The following AKAP13 variants were observed in gnomAD, a reference collection of about 807,000 sequenced individuals.
The protein encoded by AKAP13 is A-kinase anchor protein 13.
Under a neutral mutation model 264.5 loss-of-function variants are expected in AKAP13, and 80 were observed. The observed-to-expected ratio is 0.30, with a 90% CI of 0.25 to 0.36. The LOEUF (loss-of-function observed/expected upper bound fraction) is 0.36. Among genes scored for constraint, AKAP13 ranks in the 10% least tolerant of loss-of-function variants. The pLI is 1.00. For synonymous variants in AKAP13, 1,380 were observed against 1,250.2 expected, an observed-to-expected ratio of 1.10 and a Z score of -2.19; for missense variants, 3,712 against 3,435.2, an observed-to-expected ratio of 1.08 and a Z score of -2.01.
intron 8 of AKAP13, among the ~76,000 whole-genome samples, chr15:85,629,977 T>C (rs2081629908): frequency 6.6e-6 from 1 of 151,520 alleles, no homozygotes; most frequent in African/African-American, 2.4e-5. Flanking sequence ...ACAGGGTTTT[T>C]CCATGTTGCC....
intron 5 of AKAP13, among the ~76,000 whole-genome samples, chr15:85,552,870 T>G (rs879697103): frequency 4.6e-5 from 7 of 152,228 alleles, no homozygotes; most frequent in Middle Eastern, 3.4e-3. Flanking sequence ...TGGCCATTTT[T>G]TCTTACAAAA....
At chr15:85,445,052 T>C (rs2073851867) in intron 1 of AKAP13, among the ~76,000 whole-genome samples, 1 of 152,202 alleles carries the variant, frequency 6.6e-6, no homozygotes, top group African/African-American at 2.4e-5. Flanking sequence ...TTCCCTCACC[T>C]TCCATATGCT....
intron 2 of AKAP13, among the ~76,000 whole-genome samples, chr15:85,497,807 C>T (rs1009690716): frequency 6.6e-6 from 1 of 152,092 alleles, no homozygotes; most frequent in Admixed American, 6.6e-5. Flanking sequence ...TGGGGTTTTA[C>T]ACAGGATAAC....
At chr15:85,518,831 A>C (rs1256140179) in intron 2 of AKAP13, among the ~76,000 whole-genome samples, 1 of 152,146 alleles carries the variant, frequency 6.6e-6, no homozygotes, top group Non-Finnish European at 1.5e-5. Flanking sequence ...CCTGTCTCAA[A>C]CAACAACAAA....
At chr15:85,720,579 G>A (rs2087220567) in intron 23 of AKAP13, among the ~76,000 whole-genome samples, 1 of 152,146 alleles carries the variant, frequency 6.6e-6, no homozygotes, top group East Asian at 1.9e-4. Flanking sequence ...TACAGGCAGA[G>A]GGGTATATAA....
intron 17 of AKAP13, chr15:85,702,691 A>G (rs1451457279): frequency 6.6e-6 from 1 of 152,200 alleles, no homozygotes; most frequent in Non-Finnish European, 1.5e-5. Context: ...ATAGTCCATC[A>G]TGATGATATG....
chr15:85,515,980 T>A (rs1167354506), intron 2 of AKAP13, among the ~76,000 whole-genome samples: 2 of 152,180 alleles, frequency 1.3e-5, no homozygotes, highest in Admixed American at 1.3e-4. Context: ...TTAAACATCT[T>A]TTCTGTTGTC....
At chr15:85,661,927 A>T (rs2083369151) in intron 12 of AKAP13, among the ~76,000 whole-genome samples, 1 of 148,436 alleles carries the variant, frequency 6.7e-6, no homozygotes, top group African/African-American at 2.5e-5. Context: ...AAACCGGATG[A>T]CTCCATGAGC....
chr15:85,484,097 A>T (rs1301267917), intron 1 of AKAP13, among the ~76,000 whole-genome samples: 2 of 152,132 alleles, frequency 1.3e-5, no homozygotes, highest in Non-Finnish European at 2.9e-5. Context: ...AGGTTCTTTC[A>T]TTCCCATGTC....
chr15:85,718,237 G>C lies in AKAP13; in HGVS notation c.6001+78G>C. On this transcript the variant is annotated intron_variant, in intron 22 of 36. Coordinates refer to ENST00000394518, the MANE Select transcript of AKAP13 (RefSeq NM_007200.5). This position sits in a 1 kb window ranked among gnomAD's most constrained non-coding sequence, Gnocchi z 4.9. ...TTTAAGCAGTAATTTGTTGGACTAT[G>C]AAAAATCAGTTTTTTAGTATGTGGC... 6.5e-7 allele frequency: 1 copy of C among 1,545,220 alleles called. No individual in the cohort carries two copies. The highest frequency in any genetic ancestry group is 8.8e-7 in the Non-Finnish European group (1 of 1,139,008).
Position 85,521,538 on chromosome 15 carries a change from G to T in AKAP13, c.144G>T (p.Arg48=), listed in dbSNP as rs116628862. ...CCCTCCGTCACTGTACAAGTACTCG[G>T]AAGGTCAGTTCTGATACATTGGAGA... ...GSTLRHCTST[R]KVSSDTLETI... Residue 48 remains arginine, a synonymous_variant, in exon 3 of 37, where the codon CGG becomes CGT. Coordinates refer to ENST00000394518, the MANE Select transcript of AKAP13 (RefSeq NM_007200.5). The T allele has an allele frequency of 1.2e-6, 2 of 1,614,140 alleles. No homozygotes were observed. The highest frequency in any genetic ancestry group is 1.7e-6 in the Non-Finnish European group (2 of 1,180,000).
At position 85,747,773 on chromosome 15, in the gene AKAP13, TG is replaced by T. The variant is rs1407737868; in HGVS notation, c.*3102del. 15 of 152,740 alleles carry T rather than the reference TG, an allele frequency of 9.8e-5. No homozygotes were observed. The highest frequency in any genetic ancestry group is 3.3e-4 in the Admixed American group (5 of 15,286). The allele number at this position is 152,740 out of a possible 1,614,324, so 9.5% of individuals were successfully genotyped here. On this transcript the variant is annotated 3_prime_UTR_variant, in exon 37 of 37. Transcript: ENST00000394518. ...TCCCTCTACCCCCGTGAGAGCTATC[TG>T]GGGGGAAGAATCCTTACCAAGGTTT...
chr15:85,421,891 T>G (rs1251474930), intron 1 of AKAP13, among the ~76,000 whole-genome samples: 1 of 152,262 alleles, frequency 6.6e-6, no homozygotes, highest in Non-Finnish European at 1.5e-5. Flanking sequence ...GCAATTTGGT[T>G]TATAATGTCA....
chr15:85,740,216 T>C lies in AKAP13; in HGVS notation c.7558-6T>C, dbSNP rs374321174. The C allele has an allele frequency of 2.9e-5, 47 of 1,614,090 alleles. No individual in the cohort carries two copies. The highest frequency in any genetic ancestry group is 3.5e-5 in the Non-Finnish European group (41 of 1,180,018). ...AACGAATGTTTCCATTTTGTTCCTT[T>C]GGCAGCAGGTTGTCCAGAGCGTTGT... On this transcript the variant is annotated splice_region_variant and splice_polypyrimidine_tract_variant and intron_variant, in intron 33 of 36. Transcript: ENST00000394518.
chr15:85,743,776 A>G lies in AKAP13; in HGVS notation c.8343A>G (p.Glu2781=). 1 of 1,612,808 alleles carries G rather than the reference A, an allele frequency of 6.2e-7. No individual in the cohort carries two copies. Among genetic ancestry groups the G allele is most frequent in the East Asian group, 2.2e-5 (1 of 44,874 alleles). The change falls in exon 36 of 37, where the codon GAA becomes GAG. Residue 2781 remains glutamate, a synonymous_variant. Coordinates refer to ENST00000394518, the MANE Select transcript of AKAP13 (RefSeq NM_007200.5). ...TRLFGLTKPK[E]KKEKKKKNKT... ...TGTTTGGGTTAACAAAGCCAAAGGA[A>G]AAGAAGGAGAAAAAAAAGAAGAACA...
intron 1 of AKAP13, among the ~76,000 whole-genome samples, chr15:85,400,520 A>G (rs2071372382): frequency 6.6e-6 from 1 of 152,260 alleles, no homozygotes. Context: ...TAGATAATCA[A>G]GAAAACAAGC....
intron 16 of AKAP13, among the ~76,000 whole-genome samples, chr15:85,692,266 T>C (rs1259258610): frequency 6.6e-6 from 1 of 152,240 alleles, no homozygotes; most frequent in Admixed American, 6.5e-5. Flanking sequence ...CAGTAAATTA[T>C]GAGTAATTAA....
At chr15:85,650,570 A>G (rs961167921) in intron 10 of AKAP13, among the ~76,000 whole-genome samples, 1 of 151,852 alleles carries the variant, frequency 6.6e-6, no homozygotes, top group African/African-American at 2.4e-5. Flanking sequence ...AGCCTGGCCA[A>G]CATGGTGAAA....
chr15:85,524,874 C>CGTGTGTGTGTGTGT lies in AKAP13; in HGVS notation c.181+3299_181+3300insGTGTGTGTGTGTGT, dbSNP rs1567105033. Among the ~76,000 whole-genome samples the CGTGTGTGTGTGTGT allele has an allele frequency of 3.4e-4, 27 of 80,348 alleles. No individual in the cohort carries two copies. The East Asian group carries it at 9.7e-3, about 29-fold the overall frequency. The allele number at this position is 80,348 out of a possible 152,430, so 52.7% of individuals were successfully genotyped here. ...CTCCTGCCCCCTCTTTCCCCATTCCCCTGTGTGTGTGTGTGTGTGTGTGTG... is the reference window on the plus strand; with the variant it reads ...CTCCTGCCCCCTCTTTCCCCATTCCCGTGTGTGTGTGTGTCTGTGTGTGTGTGTGTGTGTGTGTG... On this transcript the variant is annotated intron_variant, in intron 3 of 36. Transcript: ENST00000394518.
Sources: allele counts gnomAD v4.1 joint callset (sites outside exome capture counted in the v4.1 genomes callset), GRCh38; gene constraint gnomAD v4.1.1; non-coding constraint Gnocchi (gnomAD v3.1); transcripts MANE v1.5; gene names NCBI Gene and HGNC (gene_info 2026-07-23, HGNC 2026-07-21).